The following MACROD2 variants were observed in gnomAD, a reference collection of about 807,000 sequenced individuals.
The protein encoded by MACROD2 is mono-ADP ribosylhydrolase 2, also known as ADP-ribose glycohydrolase MACROD2.
MACROD2 carries 36 observed loss-of-function variants against 70.4 expected under a neutral mutation model. The observed-to-expected ratio is 0.51, with a 90% CI of 0.39 to 0.68. The LOEUF is 0.68. Among genes scored for constraint, MACROD2 ranks in the 30% least tolerant of loss-of-function variants. The pLI, the probability that MACROD2 is intolerant of heterozygous loss-of-function variation, is 0.00. For missense variants in MACROD2, 496 were observed against 538.4 expected (o/e 0.92, Z 0.78); for synonymous variants, 172 against 178.8 (o/e 0.96, Z 0.30).
At chr20:14,100,436 A>G (rs1341952832) in intron 3 of MACROD2, among the ~76,000 whole-genome samples, 1 of 150,340 alleles carries the variant, frequency 6.7e-6, no homozygotes, top group African/African-American at 2.4e-5. Context: ...TTAATAATTT[A>G]AAGATATATC....
intron 8 of MACROD2, among the ~76,000 whole-genome samples, chr20:15,694,806 G>C (rs1436352321): frequency 2.0e-5 from 3 of 152,156 alleles, no homozygotes; most frequent in African/African-American, 7.2e-5. Flanking sequence ...CTAATGTCTA[G>C]AAGAGTTTTT....
At chr20:14,837,391 C>T (rs892212619) in intron 5 of MACROD2, among the ~76,000 whole-genome samples, 1 of 151,990 alleles carries the variant, frequency 6.6e-6, no homozygotes, top group Non-Finnish European at 1.5e-5. Flanking sequence ...TGAGGATAAT[C>T]ACATCTGAAT....
At position 14,417,059 on chromosome 20, in the gene MACROD2, TATCTATC is replaced by T. The variant is rs1166247036; in HGVS notation, c.272-76412_272-76406del. ...TATATCTATCTATTATCTATCTATC[TATCTATC>T]ATCTATCTATCTATCTATCTATCTA... is the stretch of plus-strand genomic sequence containing the variant. On this transcript the variant is annotated intron_variant, in intron 3 of 17. Transcript: ENST00000684519. Among the ~76,000 whole-genome samples, 68 of 74,252 alleles carry T rather than the reference TATCTATC, an allele frequency of 9.2e-4. 1 individual carries two copies. The highest frequency in any genetic ancestry group is 4.8e-3 in the South Asian group (4 of 826). The allele number at this position is 74,252 out of a possible 152,430, so 48.7% of individuals were successfully genotyped here. A position where few individuals can be genotyped will look rare whatever the true frequency, so the allele number is the denominator to read the frequency against.
At chr20:14,036,104 T>C (rs987413752) in intron 2 of MACROD2, among the ~76,000 whole-genome samples, 4 of 150,848 alleles carry the variant, frequency 2.7e-5, no homozygotes, top group Admixed American at 6.6e-5. Context: ...ATGGCGCCAC[T>C]GCACTCCAGC....
chr20:14,965,054 A>C (rs1033079874), intron 5 of MACROD2, among the ~76,000 whole-genome samples: 15 of 152,206 alleles, frequency 9.9e-5, no homozygotes, highest in Non-Finnish European at 1.9e-4. Flanking sequence ...AGTGTCGGCA[A>C]AGGTTAAGCT....
chr20:14,388,765 G>A (rs905426518), intron 3 of MACROD2, among the ~76,000 whole-genome samples: 4 of 151,876 alleles, frequency 2.6e-5, no homozygotes, highest in Admixed American at 6.6e-5. Flanking sequence ...AAGGACTTCC[G>A]GCATCACCAG....
intron 8 of MACROD2, among the ~76,000 whole-genome samples, chr20:15,771,240 T>A (rs1422947247): frequency 6.6e-6 from 1 of 152,106 alleles, no homozygotes; most frequent in Non-Finnish European, 1.5e-5. Flanking sequence ...AGTGGCACAA[T>A]CATAGCTCAC....
rs77833385 is a variant in MACROD2 at position 15,273,333 on chromosome 20, G to A, written c.540+43272G>A. Among the ~76,000 whole-genome samples, 202 of 151,970 alleles carry A rather than the reference G, an allele frequency of 1.3e-3. 3 individuals carry two copies. In the East Asian group the frequency reaches 0.036, roughly 27 times the overall value. On this transcript the variant is annotated intron_variant, in intron 6 of 17. Coordinates refer to ENST00000684519, the MANE Select transcript of MACROD2 (RefSeq NM_001351661.2). Reference sequence around the variant, plus strand: ...CTCCAATTTTTCAGTTTGGTGACTCGGACTGGCTCTCCTTGCTCCTTGGCT... The same window carrying A: ...CTCCAATTTTTCAGTTTGGTGACTCAGACTGGCTCTCCTTGCTCCTTGGCT...
chr20:15,696,479 CATCAAGGAT>C (rs1227009573), intron 8 of MACROD2, among the ~76,000 whole-genome samples: 1 of 152,134 alleles, frequency 6.6e-6, no homozygotes, highest in East Asian at 1.9e-4. Flanking sequence ...CGTCTATGTT[CATCAAGGAT>C]ATTGGTCTGT....
intron 4 of MACROD2, among the ~76,000 whole-genome samples, chr20:14,582,965 G>A (rs898880466): frequency 3.3e-5 from 5 of 152,186 alleles, no homozygotes; most frequent in East Asian, 1.9e-4. Context: ...TTTTCTCTCC[G>A]TCTGTCACTT....
chr20:15,859,680 A>G (rs2064398255), intron 8 of MACROD2, among the ~76,000 whole-genome samples: 1 of 152,078 alleles, frequency 6.6e-6, no homozygotes, highest in African/African-American at 2.4e-5. Context: ...TTTCCGTGTT[A>G]TGCCTAAGGG....
intron 4 of MACROD2, among the ~76,000 whole-genome samples, chr20:14,615,098 C>A (rs1214975762): frequency 1.3e-5 from 2 of 152,062 alleles, no homozygotes; most frequent in South Asian, 2.1e-4. Context: ...TTTCAGCTAA[C>A]CCCACAGGAG....
chr20:15,169,933 A>G (rs2076411397), intron 5 of MACROD2, among the ~76,000 whole-genome samples: 1 of 152,198 alleles, frequency 6.6e-6, no homozygotes, highest in Admixed American at 6.5e-5. Flanking sequence ...AGTTATATCC[A>G]TCAACATAAT....
chr20:15,612,057 G>A (rs1052430515), intron 8 of MACROD2, among the ~76,000 whole-genome samples: 2 of 151,766 alleles, frequency 1.3e-5, no homozygotes, highest in African/African-American at 4.8e-5. Flanking sequence ...TGGTGGAGTC[G>A]ATTTTCATAC....
intron 4 of MACROD2, among the ~76,000 whole-genome samples, chr20:14,613,385 G>C (rs142610783): frequency 0.015 from 2,234 of 152,152 alleles, 58 homozygotes; most frequent in African/African-American, 0.051. Context: ...GGGCTGGAAG[G>C]TGTTTCTGTT....
Position 15,195,760 on chromosome 20 carries a change from A to G in MACROD2, c.419-34180A>G, listed in dbSNP as rs564120895. ...TACCCAAAGGAATGTAAATTATTCT[A>G]TTATAAAGATGCATGCATGCATATG... On this transcript the variant is annotated intron_variant, in intron 5 of 17. Coordinates refer to ENST00000684519, the MANE Select transcript of MACROD2 (RefSeq NM_001351661.2). Among the ~76,000 whole-genome samples, 114 of 152,294 alleles carry G rather than the reference A, an allele frequency of 7.5e-4. 4 individuals carry two copies. In the South Asian group the frequency reaches 0.022, roughly 29 times the overall value.
At chr20:15,417,085 C>T (rs2046162451) in intron 6 of MACROD2, among the ~76,000 whole-genome samples, 1 of 152,148 alleles carries the variant, frequency 6.6e-6, no homozygotes, top group South Asian at 2.1e-4. Flanking sequence ...GTGAAATCTG[C>T]ATATGCGTTG....
At chr20:14,389,435 A>AAG (rs1334369249) in intron 3 of MACROD2, among the ~76,000 whole-genome samples, 1 of 150,706 alleles carries the variant, frequency 6.6e-6, no homozygotes, top group Admixed American at 6.6e-5. Context: ...AAAAAAAAAA[A>AAG]AAAAAAGACA....
chr20:15,817,891 C>G (rs979912035), intron 8 of MACROD2, among the ~76,000 whole-genome samples: 4 of 152,202 alleles, frequency 2.6e-5, no homozygotes, highest in African/African-American at 7.2e-5. Flanking sequence ...TTCAGCCTTA[C>G]TTCTTGTCAT....
Sources: allele counts gnomAD v4.1 joint callset (sites outside exome capture counted in the v4.1 genomes callset), GRCh38; gene constraint gnomAD v4.1.1; transcripts MANE v1.5; gene names NCBI Gene and HGNC (gene_info 2026-07-23, HGNC 2026-07-21).